The following ADAMTS14 variants were observed in gnomAD, a reference collection of about 807,000 sequenced individuals.
ADAMTS14 encodes A disintegrin and metalloproteinase with thrombospondin motifs 14.
Under a neutral mutation model 128.6 loss-of-function variants are expected in ADAMTS14, and 100 were observed. The observed-to-expected ratio is 0.78, with a 90% CI of 0.66 to 0.92. The LOEUF (loss-of-function observed/expected upper bound fraction) is 0.92, where lower values mean the gene tolerates loss of function less well. Among genes scored for constraint, ADAMTS14 ranks in the 40% least tolerant of loss-of-function variants. The pLI, the probability that ADAMTS14 is intolerant of heterozygous loss-of-function variation, is 0.00. For synonymous variants in ADAMTS14, 665 were observed against 653.8 expected, an observed-to-expected ratio of 1.02 and a Z score of -0.26; for missense variants, 1,562 against 1,658.6, an observed-to-expected ratio of 0.94 and a Z score of 1.01.
In ADAMTS14 at chr10:70,761,505, A is replaced by T. The variant is rs1308313440; in HGVS notation, c.*652A>T. 1 of 152,272 alleles carries T rather than the reference A, an allele frequency of 6.6e-6. No homozygotes were observed. Among genetic ancestry groups the T allele is most frequent in the Non-Finnish European group, 1.5e-5 (1 of 68,106 alleles). 9.4% of individuals were successfully genotyped at this position (152,272 alleles called of 1,614,324 possible). A position where few individuals can be genotyped will look rare whatever the true frequency, so the allele number is the denominator to read the frequency against. ...CTTTGCTGGCCAGAAGATGGTGCTC[A>T]TGGCCATACTCTGGCCTTGCAGATG... On this transcript the variant is annotated 3_prime_UTR_variant, in exon 22 of 22. Coordinates refer to ENST00000373207, the MANE Select transcript of ADAMTS14 (RefSeq NM_080722.4).
chr10:70,707,102 GGGGTGCC>G (rs1413048764), intron 3 of ADAMTS14, among the ~76,000 whole-genome samples: 5 of 152,242 alleles, frequency 3.3e-5, no homozygotes, highest in African/African-American at 9.6e-5. Context: ...GATCTCCAGT[GGGGTGCC>G]TTCTCTGATC....
At chr10:70,754,048 G>T in intron 19 of ADAMTS14, 41 bp downstream of exon 19, 2 of 1,477,868 alleles carry the variant, frequency 1.4e-6, no homozygotes, top group Non-Finnish European at 1.8e-6. Flanking sequence ...TGGGGAGGAG[G>T]TGGGTCTGAG....
rs371720589 is a variant in ADAMTS14, at chr10:70,703,780, C to T, written c.679+1312C>T. 4.1e-4 allele frequency among the ~76,000 whole-genome samples: 63 copies of T among 152,352 alleles called. 1 individual carries two copies. The highest frequency in any genetic ancestry group is 1.5e-3 in the African/African-American group (61 of 41,588). On this transcript the variant is annotated intron_variant, in intron 3 of 21. Coordinates refer to ENST00000373207, the MANE Select transcript of ADAMTS14 (RefSeq NM_080722.4). Reference sequence around the variant, plus strand: ...CAGCTGGGAAGCTGAGACCACTGAGCACACGGAGCTGGAGTTCAGACCCAA... The same window carrying T: ...CAGCTGGGAAGCTGAGACCACTGAGTACACGGAGCTGGAGTTCAGACCCAA...
intron 15 of ADAMTS14, among the ~76,000 whole-genome samples, chr10:70,747,618 G>A (rs562373429): frequency 2.0e-4 from 31 of 152,280 alleles, no homozygotes; most frequent in African/African-American, 7.0e-4. Context: ...CTAGTTCTTC[G>A]ATCCCCAGGG....
intron 4 of ADAMTS14, among the ~76,000 whole-genome samples, chr10:70,711,350 C>G (rs1319878100): frequency 6.6e-6 from 1 of 152,228 alleles, no homozygotes; most frequent in African/African-American, 2.4e-5. Context: ...TTGGCCTAAC[C>G]TGGGTCACGT....
At chr10:70,738,788 G>C in intron 10 of ADAMTS14, 54 bp from the exon 11 acceptor site, 2 of 1,610,544 alleles carry the variant, frequency 1.2e-6, no homozygotes, top group Non-Finnish European at 1.7e-6. Context: ...GGCTCCCCGG[G>C]TGGGCTCAGC....
At chr10:70,729,661 G>A (rs965640234) in intron 5 of ADAMTS14, among the ~76,000 whole-genome samples, 55 of 152,226 alleles carry the variant, frequency 3.6e-4, no homozygotes, top group African/African-American at 1.3e-3. Flanking sequence ...TGGCCACTGA[G>A]ACAAGTCATG....
chr10:70,703,919 A>G (rs1385230355), intron 3 of ADAMTS14, among the ~76,000 whole-genome samples: 4 of 152,184 alleles, frequency 2.6e-5, no homozygotes, highest in Non-Finnish European at 5.9e-5. Context: ...GCAGGAGAAG[A>G]CTTTCTTGGA....
Position 70,740,917 on chromosome 10 carries a change from G to A in ADAMTS14, c.1749-70G>A, listed in dbSNP as rs1354956789. 3 of 1,520,426 alleles carry A rather than the reference G, an allele frequency of 2.0e-6. No individual in the cohort carries two copies. In the African/African-American group the frequency reaches 4.1e-5, roughly 21 times the overall value. The allele number at this position is 1,520,426 out of a possible 1,614,324, so 94.2% of individuals were successfully genotyped here. Reference sequence around the variant, plus strand: ...AATGGCTGAGCTGCTCCTGGTGGCTGTGTGGGAAACCTGGCCCTCCCCAGC... The same window carrying A: ...AATGGCTGAGCTGCTCCTGGTGGCTATGTGGGAAACCTGGCCCTCCCCAGC... On this transcript the variant is annotated intron_variant, in intron 11 of 21. Coordinates refer to ENST00000373207, the MANE Select transcript of ADAMTS14 (RefSeq NM_080722.4).
Position 70,739,237 on chromosome 10 carries a change from A to T in ADAMTS14, c.1748+247A>T, listed in dbSNP as rs747830644. On this transcript the variant is annotated intron_variant, in intron 11 of 21. Coordinates refer to ENST00000373207, the MANE Select transcript of ADAMTS14 (RefSeq NM_080722.4). ...AGTGGTTCTCAAGCTCATGCGCAGA[A>T]GATTCCCCAGAGTCTGGGTGGCCCT... 3.4e-4 allele frequency among the ~76,000 whole-genome samples: 52 copies of T among 152,248 alleles called. No individual in the cohort carries two copies. In the Middle Eastern group the frequency reaches 0.02, roughly 60 times the overall value.
chr10:70,710,487 T>A (rs1326896530), intron 4 of ADAMTS14, among the ~76,000 whole-genome samples: 3 of 152,208 alleles, frequency 2.0e-5, no homozygotes, highest in Non-Finnish European at 4.4e-5. Flanking sequence ...GACCGAAAGA[T>A]GACTGCAGTA....
chr10:70,717,484 G>A (rs1841095046), intron 4 of ADAMTS14, among the ~76,000 whole-genome samples: 1 of 152,156 alleles, frequency 6.6e-6, no homozygotes, highest in Non-Finnish European at 1.5e-5. Flanking sequence ...AGGTGTGGCG[G>A]GATGGCTGGC....
At chr10:70,749,769 C>T (rs1236448840) in intron 15 of ADAMTS14, 53 bp from the exon 16 acceptor site, 2 of 1,587,510 alleles carry the variant, frequency 1.3e-6, no homozygotes, top group Non-Finnish European at 8.6e-7. Flanking sequence ...TCATGGCCCG[C>T]CCCCTGTGGA....
At chr10:70,719,622 G>A (rs1201618062) in intron 4 of ADAMTS14, among the ~76,000 whole-genome samples, 1 of 151,764 alleles carries the variant, frequency 6.6e-6, no homozygotes, top group Non-Finnish European at 1.5e-5. Flanking sequence ...TGCTCAGACT[G>A]GTCTTGAATT....
intron 3 of ADAMTS14, among the ~76,000 whole-genome samples, chr10:70,705,650 A>T (rs1034109856): frequency 1.3e-5 from 2 of 152,210 alleles, no homozygotes; most frequent in African/African-American, 4.8e-5. Flanking sequence ...TATCTTTCTA[A>T]ATAGGATTTG....
At position 70,751,663 on chromosome 10, in the gene ADAMTS14, C is replaced by A; in HGVS notation, c.2596+17C>A. 1 of 1,597,552 alleles carries A rather than the reference C, an allele frequency of 6.3e-7. No homozygotes were observed. Reference sequence around the variant, plus strand: ...GTGGAGGAGGTACCGGTTCCCTGACCCGCCAGTGCTTTGTTGGGGCAGCCC... The same window carrying A: ...GTGGAGGAGGTACCGGTTCCCTGACACGCCAGTGCTTTGTTGGGGCAGCCC... On this transcript the variant is annotated intron_variant, in intron 17 of 21. Transcript: ENST00000373207.
rs761113371 is a variant in ADAMTS14, at chr10:70,734,070, C to T, written c.1352+42C>T. On this transcript the variant is annotated intron_variant, in intron 8 of 21. Transcript: ENST00000373207. ...CTCAGAGCTGGGATAGGGGAGCATG[C>T]GACCTGCCACTCTGAGCAGACATCA... The T allele has an allele frequency of 1.6e-5, 25 of 1,589,024 alleles. No individual in the cohort carries two copies. The South Asian group carries it at 1.9e-4, about 12-fold the overall frequency.
rs746587238 is a variant in ADAMTS14 at position 70,753,782 on chromosome 10, C to T, written c.2730-18C>T. 3 of 1,548,204 alleles carry T rather than the reference C, an allele frequency of 1.9e-6. No homozygotes were observed. Among genetic ancestry groups the T allele is most frequent in the Non-Finnish European group, 1.7e-6 (2 of 1,143,324 alleles). ...TGCCCCCTTGGTCTCACCTCCTCTC[C>T]TTTCACCCTGTTTCCAGGTGGGTGA... is the stretch of plus-strand genomic sequence containing the variant. On this transcript the variant is annotated intron_variant, in intron 18 of 21. Coordinates refer to ENST00000373207, the MANE Select transcript of ADAMTS14 (RefSeq NM_080722.4).
chr10:70,745,541 C>T, intron 15 of ADAMTS14: 2 of 547,736 alleles, frequency 3.7e-6, no homozygotes, highest in Non-Finnish European at 6.5e-6. Context: ...CCCCTTTCTA[C>T]CCCTGTACCC....
Sources: gnomAD v4.1 joint callset for allele counts (sites outside exome capture counted in the v4.1 genomes callset) on GRCh38, gnomAD v4.1.1 for gene constraint, MANE v1.5 for transcripts, NCBI Gene and HGNC (gene_info 2026-07-23, HGNC 2026-07-21) for gene names.